Variants in KPRP observed in about 807,000 individuals in gnomAD.
KPRP encodes keratinocyte proline-rich protein.
For missense variants in KPRP, 820 were observed against 746.4 expected (o/e 1.10, Z -1.15); for synonymous variants, 282 against 276.9 (o/e 1.02, Z -0.18).
At chr1:152,761,374 G>A in exon 1 of KPRP, 1 of 1,566,138 alleles carries the variant, frequency 6.4e-7, no homozygotes, top group Non-Finnish European at 8.6e-7. Flanking sequence ...TGAAAATGTT[G>A]TTCCTCCTAT....
At chr1:152,761,138 A>C (rs748247610) in exon 1 of KPRP, 1 of 1,614,076 alleles carries the variant, frequency 6.2e-7, no homozygotes, top group Admixed American at 1.7e-5. Context: ...GGCTGTCATG[A>C]GTCTAGTCCA....
exon 1 of KPRP, chr1:152,761,353 C>A (rs778120057): frequency 6.3e-7 from 1 of 1,587,550 alleles, no homozygotes; most frequent in Non-Finnish European, 8.6e-7. Context: ...AGATAACCCT[C>A]TCTCCTGCTC....
chr1:152,758,327 T>C (rs574109447), upstream of KPRP, among the ~76,000 whole-genome samples: 2 of 152,324 alleles, frequency 1.3e-5, no homozygotes, highest in East Asian at 3.9e-4. Context: ...CTCATGATCT[T>C]TCTGGAAAAG....
At chr1:152,759,762 G>T (rs1166692787) in exon 1 of KPRP, 1 of 1,614,042 alleles carries the variant, frequency 6.2e-7, no homozygotes, top group East Asian at 2.2e-5. Context: ...AAGTTTGCCA[G>T]GTGTCAGACC....
chr1:152,761,777 C>T, exon 1 of KPRP: 1 of 179,510 alleles, frequency 5.6e-6, no homozygotes, highest in Non-Finnish European at 1.3e-5. Context: ...TCCTAGAACT[C>T]ACTGCATCCC....
At chr1:152,761,075 G>T (rs201034376) in exon 1 of KPRP, 19 of 1,613,966 alleles carry the variant, frequency 1.2e-5, no homozygotes. Context: ...GAGACTTGGC[G>T]CAGCCCCAGC....
chr1:152,759,483 A>T (rs1227946283), upstream of KPRP: 4 of 1,480,878 alleles, frequency 2.7e-6, no homozygotes, highest in Non-Finnish European at 3.6e-6. Flanking sequence ...GCTAGGGAAG[A>T]TGCAGGGTGT....
At chr1:152,758,719 T>G (rs1274040564), upstream of KPRP, among the ~76,000 whole-genome samples, 1 of 152,244 alleles carries the variant, frequency 6.6e-6, no homozygotes, top group Non-Finnish European at 1.5e-5. Context: ...AACCTTGGAC[T>G]TTCTGGCTTA....
chr1:152,761,494 C>G, exon 1 of KPRP: 1 of 1,345,206 alleles, frequency 7.4e-7, no homozygotes, highest in Non-Finnish European at 9.9e-7. Context: ...AGATCCACAC[C>G]TGGGTCTCAG....
exon 1 of KPRP, chr1:152,761,528 A>G: frequency 4.1e-6 from 4 of 979,256 alleles, no homozygotes; most frequent in Non-Finnish European, 5.8e-6. Context: ...CTCACGTGTC[A>G]CTCCTCGCCC....
chr1:152,761,176 T>C, exon 1 of KPRP: 1 of 1,614,190 alleles, frequency 6.2e-7, no homozygotes, highest in Non-Finnish European at 8.5e-7. Context: ...AGCTCCCTAC[T>C]GTGGCCCATC....
chr1:152,761,072 G>T, exon 1 of KPRP: 1 of 1,614,024 alleles, frequency 6.2e-7, no homozygotes, highest in Non-Finnish European at 8.5e-7. Flanking sequence ...AGGGAGACTT[G>T]GCGCAGCCCC....
At chr1:152,761,611 T>C (rs1651136237) in exon 1 of KPRP, 3 of 365,044 alleles carry the variant, frequency 8.2e-6, no homozygotes, top group Non-Finnish European at 5.2e-6. Context: ...GGCCATACTT[T>C]AGATGTCCCT....
At chr1:152,760,703 C>T (rs1436766592) in exon 1 of KPRP, 1 of 1,613,728 alleles carries the variant, frequency 6.2e-7, no homozygotes, top group East Asian at 2.2e-5. Flanking sequence ...GAGCTGAGGC[C>T]ACACGTAGAG....
exon 1 of KPRP, chr1:152,760,089 G>A (rs1651057293): frequency 6.2e-7 from 1 of 1,614,178 alleles, no homozygotes; most frequent in Non-Finnish European, 8.5e-7. Flanking sequence ...TGTATAGAGG[G>A]CGTCCTGCAG....
exon 1 of KPRP, chr1:152,760,738 C>A: frequency 6.2e-7 from 1 of 1,614,110 alleles, no homozygotes; most frequent in Non-Finnish European, 8.5e-7. Flanking sequence ...AAGCTTCTGT[C>A]CACCACGGCG....
chr1:152,760,508 G>C (rs749508806), exon 1 of KPRP: 6 of 1,613,166 alleles, frequency 3.7e-6, no homozygotes, highest in Middle Eastern at 1.6e-4. Context: ...ATATATAACA[G>C]TCGCTGTCCT....
chr1:152,761,391 A>G, exon 1 of KPRP: 2 of 1,542,110 alleles, frequency 1.3e-6, no homozygotes, highest in Non-Finnish European at 1.7e-6. Flanking sequence ...CTATTCCACA[A>G]TTTCCAGTAC....
Position 152,760,706 on chromosome 1 carries a change from A to G in KPRP, c.1118A>G (p.His373Arg), listed in dbSNP as rs756020108. The change falls in exon 1 of 1, where the codon CAC (histidine) becomes CGC (arginine). Residue 373 changes from histidine to arginine, a missense_variant. By Grantham distance (29) the His-to-Arg change is conservative. Coordinates refer to ENST00000606109, the Ensembl canonical transcript of KPRP. ...GCCTCCTGCCCTGAGCTGAGGCCAC[A>G]CGTAGAGCCACGTCCACTCCCAAGC... The G allele has an allele frequency of 5.0e-6, 8 of 1,613,720 alleles. No homozygotes were observed. The Admixed American group carries it at 1.3e-4, about 27-fold the overall frequency.
Sources: gnomAD v4.1 joint callset for allele counts (sites outside exome capture counted in the v4.1 genomes callset) on GRCh38, gnomAD v4.1.1 for gene constraint, MANE v1.5 for transcripts, NCBI Gene and HGNC (gene_info 2026-07-23, HGNC 2026-07-21) for gene names.